The following ARL8B variants were observed in gnomAD, a reference collection of about 807,000 sequenced individuals.
ARL8B encodes ARF like GTPase 8B.
In ARL8B, 9 loss-of-function variants were observed where a neutral mutation model predicts 30.6. That is an observed-to-expected ratio of 0.29 (90% CI 0.18 to 0.51). The LOEUF is 0.51. Among genes scored for constraint, ARL8B ranks in the 20% least tolerant of loss-of-function variants. The pLI is 0.97. For missense variants in ARL8B, 130 were observed against 227.2 expected (o/e 0.57, Z 2.75); for synonymous variants, 74 against 76.0 (o/e 0.97, Z 0.14).
chr3:5,176,682 C>A (rs2054732945), intron 6 of ARL8B, among the ~76,000 whole-genome samples: 1 of 152,182 alleles, frequency 6.6e-6, no homozygotes, highest in South Asian at 2.1e-4. Context: ...TCACTTGTTA[C>A]ATTGGGAGCA....
At chr3:5,148,247 C>T (rs1445125278) in intron 1 of ARL8B, among the ~76,000 whole-genome samples, 1 of 152,100 alleles carries the variant, frequency 6.6e-6, no homozygotes, top group Non-Finnish European at 1.5e-5. Context: ...TCTTGAAATT[C>T]TTAACTTCAG....
At chr3:5,136,626 C>A (rs777720962) in intron 1 of ARL8B, among the ~76,000 whole-genome samples, 1 of 152,154 alleles carries the variant, frequency 6.6e-6, no homozygotes, top group African/African-American at 2.4e-5. Context: ...GGAACACTTA[C>A]AAATTTTAGT....
At chr3:5,153,394 T>A (rs980367260) in intron 1 of ARL8B, among the ~76,000 whole-genome samples, 7 of 152,200 alleles carry the variant, frequency 4.6e-5, no homozygotes, top group Non-Finnish European at 1.0e-4. Flanking sequence ...GGAGTTTCTC[T>A]ACACAAGCTC....
At chr3:5,163,025 T>TC (rs1320607871) in intron 1 of ARL8B, among the ~76,000 whole-genome samples, 1 of 146,988 alleles carries the variant, frequency 6.8e-6, no homozygotes, top group Non-Finnish European at 1.5e-5. Flanking sequence ...TCTTGCTGTG[T>TC]CACCCAGGCT....
At chr3:5,135,458 CTAT>C (rs2054316286) in intron 1 of ARL8B, among the ~76,000 whole-genome samples, 1 of 150,882 alleles carries the variant, frequency 6.6e-6, no homozygotes, top group Admixed American at 6.6e-5. Flanking sequence ...TTAATTATTA[CTAT>C]TATTATTATT....
intron 1 of ARL8B, among the ~76,000 whole-genome samples, chr3:5,129,375 TG>T (rs1340966805): frequency 1.3e-5 from 2 of 152,196 alleles, no homozygotes; most frequent in Non-Finnish European, 2.9e-5. Flanking sequence ...AGTTGGACTT[TG>T]GTTAAGCACT....
At chr3:5,130,925 T>A (rs2054277555) in intron 1 of ARL8B, among the ~76,000 whole-genome samples, 1 of 152,176 alleles carries the variant, frequency 6.6e-6, no homozygotes, top group Non-Finnish European at 1.5e-5. Context: ...TTCTTCGCTC[T>A]TTTCTTTTTT....
At chr3:5,161,504 C>T in intron 1 of ARL8B, among the ~76,000 whole-genome samples, 1 of 152,130 alleles carries the variant, frequency 6.6e-6, no homozygotes. Context: ...TTTGCCTCAT[C>T]TAAAGGCTAG....
At chr3:5,129,941 G>A (rs1048107176) in intron 1 of ARL8B, among the ~76,000 whole-genome samples, 9 of 152,038 alleles carry the variant, frequency 5.9e-5, no homozygotes, top group Admixed American at 2.0e-4. Context: ...TTGGCTCACT[G>A]CAACCTCTGC....
At chr3:5,131,957 C>T (rs2054287046) in intron 1 of ARL8B, among the ~76,000 whole-genome samples, 1 of 152,196 alleles carries the variant, frequency 6.6e-6, no homozygotes, top group Non-Finnish European at 1.5e-5. Context: ...AATCATGGCT[C>T]ACTGCTGCCT....
Position 5,178,810 on chromosome 3 carries a change from C to T in ARL8B, c.*97C>T. On this transcript the variant is annotated 3_prime_UTR_variant, in exon 7 of 7. Coordinates refer to ENST00000256496, the MANE Select transcript of ARL8B (RefSeq NM_018184.3). ...TCCCAGAATACGGTCCTTCCTAAAC[C>T]CCAGAAATTGCCTTTTTCAGAGTTT... The T allele has an allele frequency of 1.3e-6, 2 of 1,577,384 alleles. No homozygotes were observed. Among genetic ancestry groups the T allele is most frequent in the East Asian group, 2.3e-5 (1 of 44,372 alleles).
At chr3:5,177,883 T>C (rs921963882) in intron 6 of ARL8B, among the ~76,000 whole-genome samples, 1 of 152,262 alleles carries the variant, frequency 6.6e-6, no homozygotes, top group African/African-American at 2.4e-5. Flanking sequence ...GAGGTGCTTC[T>C]TCAGTAGTTG....
intron 1 of ARL8B, among the ~76,000 whole-genome samples, chr3:5,127,872 CAAAAAAAAAAAAAAAA>C (rs748657502): frequency 4.7e-4 from 5 of 10,594 alleles, no homozygotes; most frequent in Admixed American, 2.9e-3. Flanking sequence ...GACTCCGTCT[CAAAAAAAAAAAAAAAA>C]AAAAAAAAAA....
At chr3:5,138,855 A>G (rs930417421) in intron 1 of ARL8B, among the ~76,000 whole-genome samples, 1 of 152,208 alleles carries the variant, frequency 6.6e-6, no homozygotes, top group Admixed American at 6.5e-5. Flanking sequence ...GACTGGACTA[A>G]TGGAGTGGCT....
At chr3:5,153,369 A>T (rs1392183455) in intron 1 of ARL8B, among the ~76,000 whole-genome samples, 1 of 152,122 alleles carries the variant, frequency 6.6e-6, no homozygotes, top group African/African-American at 2.4e-5. Context: ...ATGAGATCTG[A>T]TGGTTTTAAA....
chr3:5,142,959 G>A (rs1402134360), intron 1 of ARL8B, among the ~76,000 whole-genome samples: 2 of 152,200 alleles, frequency 1.3e-5, no homozygotes, highest in Non-Finnish European at 2.9e-5. Flanking sequence ...TCTTCAGCTC[G>A]GAGTTACCCA....
In ARL8B at chr3:5,170,487, GT is replaced by G. The variant is rs1276826775; in HGVS notation, c.124-12del. On this transcript the variant is annotated splice_polypyrimidine_tract_variant and intron_variant, in intron 1 of 6. Transcript: ENST00000256496. The stretch of plus-strand genomic sequence containing the variant: ...ATAAGTGAGTAGCCTAACTTCAAAT[GT>G]TTTATTTTGTTCAGTCAGGTCAATT... 2 of 1,591,366 alleles carry G rather than the reference GT, an allele frequency of 1.3e-6. No homozygotes were observed. Among genetic ancestry groups the G allele is most frequent in the East Asian group, 2.2e-5 (1 of 44,582 alleles).
chr3:5,146,067 G>T (rs984077875), intron 1 of ARL8B, among the ~76,000 whole-genome samples: 5 of 152,158 alleles, frequency 3.3e-5, no homozygotes, highest in African/African-American at 1.2e-4. Context: ...ATTCCTCCAG[G>T]ACTTTTTCTA....
chr3:5,179,691 C>G lies in ARL8B; in HGVS notation c.*978C>G, dbSNP rs1367107411. 1 of 152,570 alleles carries G rather than the reference C, an allele frequency of 6.6e-6. No homozygotes were observed. Among genetic ancestry groups the G allele is most frequent in the East Asian group, 1.9e-4 (1 of 5,200 alleles). 9.5% of individuals were successfully genotyped at this position (152,570 alleles called of 1,614,324 possible). A position where few individuals can be genotyped will look rare whatever the true frequency, so the allele number is the denominator to read the frequency against. ...CCAGTCATAAAGTTGACTTTCAGCA[C>G]AAAAGATACTTATAAACAAATAAAA... On this transcript the variant is annotated 3_prime_UTR_variant, in exon 7 of 7. Transcript: ENST00000256496.
Sources: gnomAD v4.1 joint callset for allele counts (sites outside exome capture counted in the v4.1 genomes callset) on GRCh38, gnomAD v4.1.1 for gene constraint, MANE v1.5 for transcripts, NCBI Gene and HGNC (gene_info 2026-07-23, HGNC 2026-07-21) for gene names.